Variants in PDE4B observed in about 807,000 individuals in gnomAD.
The protein encoded by PDE4B is phosphodiesterase 4B, also known as 3',5'-cyclic-AMP phosphodiesterase 4B.
Under a neutral mutation model 82.2 loss-of-function variants are expected in PDE4B, and 20 were observed. The observed-to-expected ratio is 0.24, with a 90% CI of 0.17 to 0.35. The LOEUF (loss-of-function observed/expected upper bound fraction) is 0.35, where lower values mean the gene tolerates loss of function less well. Ranked by LOEUF, PDE4B falls within the 10% of genes least tolerant of loss-of-function variation. The probability of loss-of-function intolerance (pLI) is 1.00; values close to 1 mark genes in which losing one functional copy is unlikely to be tolerated. For missense variants in PDE4B, 655 were observed against 907.2 expected, an observed-to-expected ratio of 0.72 and a Z score of 3.57; for synonymous variants, 320 against 318.9, an observed-to-expected ratio of 1.00 and a Z score of -0.04.
At chr1:66,193,420 G>A (rs1005894594) in intron 3 of PDE4B, among the ~76,000 whole-genome samples, 5 of 152,064 alleles carry the variant, frequency 3.3e-5, no homozygotes, top group African/African-American at 9.7e-5. Flanking sequence ...ACCATATCCC[G>A]TTCCTTCCTG....
intron 3 of PDE4B, among the ~76,000 whole-genome samples, chr1:65,973,621 A>G (rs886841082): frequency 2.0e-5 from 3 of 152,204 alleles, no homozygotes; most frequent in African/African-American, 7.2e-5. Flanking sequence ...TATTGTGATC[A>G]GAAGACTGCA....
At chr1:65,954,336 C>T (rs545622563) in intron 3 of PDE4B, among the ~76,000 whole-genome samples, 5 of 152,166 alleles carry the variant, frequency 3.3e-5, no homozygotes, top group African/African-American at 1.2e-4. Flanking sequence ...ACTGTAGTTC[C>T]TAGCTAATAT....
chr1:65,816,258 T>C (rs1021432984), intron 1 of PDE4B, among the ~76,000 whole-genome samples: 3 of 126,562 alleles, frequency 2.4e-5, no homozygotes, highest in African/African-American at 8.8e-5. Context: ...AGATTTGGTT[T>C]TGGGGTGGGG....
At chr1:66,338,974 C>G (rs975716459) in intron 8 of PDE4B, among the ~76,000 whole-genome samples, 1 of 149,728 alleles carries the variant, frequency 6.7e-6, no homozygotes, top group South Asian at 2.1e-4. Context: ...AGCCGAGATC[C>G]CGCCACTGCA....
chr1:66,137,875 A>G lies in PDE4B; in HGVS notation c.282-109585A>G, dbSNP rs551266925. On this transcript the variant is annotated intron_variant, in intron 3 of 16. Coordinates refer to ENST00000341517, the MANE Select transcript of PDE4B (RefSeq NM_002600.4). ...TCACTGTGATAAACGCTATTCTGGG[A>G]AATCAAATATGTAGCTGATTTATAG... Among the ~76,000 whole-genome samples, 7 of 152,350 alleles carry G rather than the reference A, an allele frequency of 4.6e-5. No homozygotes were observed. The South Asian group carries it at 1.5e-3, about 32-fold the overall frequency.
chr1:66,354,323 G>A, intron 8 of PDE4B: 3 of 898,522 alleles, frequency 3.3e-6, no homozygotes, highest in Non-Finnish European at 4.0e-6. Context: ...GGAACACCTA[G>A]TTGAAATGGG....
At chr1:66,314,646 C>T (rs1410918264) in intron 7 of PDE4B, among the ~76,000 whole-genome samples, 4 of 152,244 alleles carry the variant, frequency 2.6e-5, no homozygotes, top group South Asian at 4.1e-4. Context: ...CTCCTGATCT[C>T]AGGTGATCTT....
At chr1:66,024,965 T>A (rs570904973) in intron 3 of PDE4B, among the ~76,000 whole-genome samples, 4 of 151,984 alleles carry the variant, frequency 2.6e-5, no homozygotes, top group Non-Finnish European at 5.9e-5. Context: ...ACTAAATAGA[T>A]GTTTTTAAAG....
intron 3 of PDE4B, among the ~76,000 whole-genome samples, chr1:66,154,540 T>G (rs913175545): frequency 1.3e-5 from 2 of 152,224 alleles, no homozygotes; most frequent in African/African-American, 4.8e-5. Context: ...CTTTTTGGTT[T>G]CATTCATGGA....
At chr1:66,151,433 T>C (rs776123046) in intron 3 of PDE4B, among the ~76,000 whole-genome samples, 9 of 152,190 alleles carry the variant, frequency 5.9e-5, no homozygotes, top group Non-Finnish European at 1.2e-4. Context: ...GAACTCATGA[T>C]AATAATAGTT....
chr1:66,153,093 C>T (rs1255537350), intron 3 of PDE4B, among the ~76,000 whole-genome samples: 1 of 152,210 alleles, frequency 6.6e-6, no homozygotes, highest in Non-Finnish European at 1.5e-5. Context: ...TCCTTTGACA[C>T]ATGGAACATG....
chr1:66,117,889 G>T (rs1557574253), intron 3 of PDE4B, among the ~76,000 whole-genome samples: 1 of 152,140 alleles, frequency 6.6e-6, no homozygotes, highest in Non-Finnish European at 1.5e-5. Context: ...TCGCCACACT[G>T]ACTTCCACAA....
chr1:66,186,855 A>C (rs1647237098), intron 3 of PDE4B, among the ~76,000 whole-genome samples: 1 of 152,132 alleles, frequency 6.6e-6, no homozygotes, highest in African/African-American at 2.4e-5. Context: ...CCCGGGCCAG[A>C]GCTTCCAACA....
At chr1:66,179,058 G>T (rs1001843810) in intron 3 of PDE4B, among the ~76,000 whole-genome samples, 1 of 152,066 alleles carries the variant, frequency 6.6e-6, no homozygotes, top group Non-Finnish European at 1.5e-5. Context: ...CACCATGTTG[G>T]CCAGGCTGGT....
chr1:66,121,833 A>G (rs903909245), intron 3 of PDE4B, among the ~76,000 whole-genome samples: 3 of 152,192 alleles, frequency 2.0e-5, no homozygotes, highest in Non-Finnish European at 4.4e-5. Flanking sequence ...TTAGCTGTTC[A>G]TTGAGAAAAC....
chr1:66,267,295 G>C (rs1276639423), intron 7 of PDE4B: 1 of 152,090 alleles, frequency 6.6e-6, no homozygotes, highest in Non-Finnish European at 1.5e-5. Context: ...ATTTCTTTTA[G>C]AACTTTTATA....
rs1650877975 is a variant in PDE4B at position 66,220,376 on chromosome 1, A to G, written c.282-27084A>G. Among the ~76,000 whole-genome samples, 3 of 152,186 alleles carry G rather than the reference A, an allele frequency of 2.0e-5. No homozygotes were observed. In the South Asian group the frequency reaches 6.2e-4, roughly 31 times the overall value. On this transcript the variant is annotated intron_variant, in intron 3 of 16. Transcript: ENST00000341517. ...TTTGTAGTTTCTAAATTGTCTCTTC[A>G]TAAGTTCCAAGGGATAAAGTGGGAG...
chr1:66,032,945 C>T (rs1653870358), intron 3 of PDE4B, among the ~76,000 whole-genome samples: 1 of 152,136 alleles, frequency 6.6e-6, no homozygotes, highest in Non-Finnish European at 1.5e-5. Flanking sequence ...TGAGCCACCA[C>T]GCCCGGCCTC....
intron 3 of PDE4B, among the ~76,000 whole-genome samples, chr1:65,972,725 A>G (rs1057141353): frequency 6.6e-6 from 1 of 152,234 alleles, no homozygotes; most frequent in South Asian, 2.1e-4. Context: ...GTGTTTCTGC[A>G]TAACTATTTC....
Sources: allele counts gnomAD v4.1 joint callset (sites outside exome capture counted in the v4.1 genomes callset), GRCh38; gene constraint gnomAD v4.1.1; transcripts MANE v1.5; gene names NCBI Gene and HGNC (gene_info 2026-07-23, HGNC 2026-07-21).